WDFY2: variants seen among roughly 807,000 people sequenced by gnomAD.
WDFY2 encodes the protein WD repeat and FYVE domain containing 2, also known as WD repeat and FYVE domain-containing protein 2.
In WDFY2, 36 loss-of-function variants were observed where a neutral mutation model predicts 56.4. That is an observed-to-expected ratio of 0.64 (90% CI 0.49 to 0.84). WDFY2 has a LOEUF of 0.84. Among genes scored for constraint, WDFY2 ranks in the 40% least tolerant of loss-of-function variants. WDFY2 has a pLI of 0.00. For missense variants in WDFY2, 444 were observed against 512.2 expected (o/e 0.87, Z 1.29); for synonymous variants, 176 against 183.7 (o/e 0.96, Z 0.34).
At chr13:51,751,670 G>A (rs1953240991) in intron 8 of WDFY2, among the ~76,000 whole-genome samples, 2 of 152,008 alleles carry the variant, frequency 1.3e-5, no homozygotes, top group African/African-American at 4.8e-5. Flanking sequence ...CACAGCAAAA[G>A]TACAGGTGAG....
chr13:51,647,526 A>G (rs1017968260), intron 1 of WDFY2, among the ~76,000 whole-genome samples: 1 of 152,188 alleles, frequency 6.6e-6, no homozygotes, highest in Non-Finnish European at 1.5e-5. Context: ...AGGCCAAGGC[A>G]GGAGGATCAC....
chr13:51,751,222 G>A (rs1408794540), intron 7 of WDFY2, 88 bp from the exon 8 acceptor site: 19 of 1,252,542 alleles, frequency 1.5e-5, no homozygotes, highest in African/African-American at 3.0e-5. Flanking sequence ...GAGTGAGTGA[G>A]CACATTGGCT....
At chr13:51,611,083 AAT>A (rs1459472793) in intron 1 of WDFY2, among the ~76,000 whole-genome samples, 1 of 152,200 alleles carries the variant, frequency 6.6e-6, no homozygotes, top group Non-Finnish European at 1.5e-5. Context: ...AGTAATTAAG[AAT>A]GCTTGTCTCC....
intron 3 of WDFY2, among the ~76,000 whole-genome samples, chr13:51,698,572 A>G (rs751083502): frequency 3.3e-5 from 5 of 152,240 alleles, no homozygotes; most frequent in East Asian, 3.8e-4. Flanking sequence ...AAATGCTGCA[A>G]TAGCATACTA....
At chr13:51,642,248 G>A (rs1223308837) in intron 1 of WDFY2, among the ~76,000 whole-genome samples, 1 of 151,784 alleles carries the variant, frequency 6.6e-6, no homozygotes, top group African/African-American at 2.4e-5. Context: ...TTCTTCACTT[G>A]TAGCTAATTT....
At chr13:51,589,298 A>G (rs1954001059) in intron 1 of WDFY2, 1 of 152,098 alleles carries the variant, frequency 6.6e-6, no homozygotes, top group South Asian at 2.1e-4. Context: ...GTAATCAACA[A>G]TACAATATGG....
intron 5 of WDFY2, among the ~76,000 whole-genome samples, chr13:51,726,546 T>C (rs921223066): frequency 1.3e-5 from 2 of 152,194 alleles, no homozygotes; most frequent in African/African-American, 4.8e-5. Flanking sequence ...CGTAGGCAGA[T>C]CTACCTGGGA....
At chr13:51,688,449 T>C (rs1424588535) in intron 3 of WDFY2, among the ~76,000 whole-genome samples, 1 of 152,140 alleles carries the variant, frequency 6.6e-6, no homozygotes, top group Admixed American at 6.6e-5. Flanking sequence ...AGTCAAAAGA[T>C]CAGTGGATAA....
intron 5 of WDFY2, among the ~76,000 whole-genome samples, chr13:51,723,375 G>C (rs1372289711): frequency 6.6e-6 from 1 of 151,394 alleles, no homozygotes; most frequent in Non-Finnish European, 1.5e-5. Context: ...CAGTGGATTT[G>C]TTTGAAATTC....
Position 51,762,930 on chromosome 13 carries a change from C to T in WDFY2, c.*3161C>T, listed in dbSNP as rs1320891508. On this transcript the variant is annotated 3_prime_UTR_variant, in exon 12 of 12. Coordinates refer to ENST00000298125, the MANE Select transcript of WDFY2 (RefSeq NM_052950.4). ...ACTTGACATTACTGCCTGAGTGTATCTTCACAATAGCAAAATGGTTTGAGA... is the reference window on the plus strand; with the variant it reads ...ACTTGACATTACTGCCTGAGTGTATTTTCACAATAGCAAAATGGTTTGAGA... The T allele has an allele frequency of 6.6e-6, 1 of 152,186 alleles. No homozygotes were observed. The highest frequency in any genetic ancestry group is 1.5e-5 in the Non-Finnish European group (1 of 68,022). The allele number at this position is 152,186 out of a possible 1,614,324, so 9.4% of individuals were successfully genotyped here. A position where few individuals can be genotyped will look rare whatever the true frequency, so the allele number is the denominator to read the frequency against.
At chr13:51,740,097 A>G (rs917490118) in intron 7 of WDFY2, among the ~76,000 whole-genome samples, 1 of 151,898 alleles carries the variant, frequency 6.6e-6, no homozygotes, top group Non-Finnish European at 1.5e-5. Context: ...CTGCTTGGAA[A>G]CCCTAGTTTC....
chr13:51,739,134 C>T lies in WDFY2; in HGVS notation c.684C>T (p.Ile228=), dbSNP rs749213617. ...SSDHSVIMWD[I]GGRKGTAIEL... is the part of the protein sequence containing the mutation. ...ATCACTCTGTCATCATGTGGGACAT[C>T]GGTGGGAGAAAAGGAACAGCCATCG... Residue 228 remains isoleucine (I), a synonymous_variant, in exon 7 of 12, where the codon ATC becomes ATT. Coordinates refer to ENST00000298125, the MANE Select transcript of WDFY2 (RefSeq NM_052950.4). 3.8e-6 allele frequency: 6 copies of T among 1,597,578 alleles called. No individual in the cohort carries two copies. The highest frequency in any genetic ancestry group is 3.5e-5 in the Admixed American group (2 of 57,558).
intron 4 of WDFY2, among the ~76,000 whole-genome samples, chr13:51,712,232 G>T (rs867074012): frequency 3.9e-5 from 6 of 152,182 alleles, no homozygotes; most frequent in African/African-American, 1.2e-4. Flanking sequence ...TCACTCATAG[G>T]TGGGAATTGA....
intron 7 of WDFY2, among the ~76,000 whole-genome samples, chr13:51,744,778 T>TA (rs748746746): frequency 7.1e-4 from 108 of 152,346 alleles, no homozygotes; most frequent in Non-Finnish European, 1.2e-3. Context: ...CTTTCTAGTA[T>TA]AAACGCTACA....
At chr13:51,652,586 T>G (rs1955415604) in intron 1 of WDFY2, among the ~76,000 whole-genome samples, 2 of 152,204 alleles carry the variant, frequency 1.3e-5, no homozygotes, top group Admixed American at 6.5e-5. Flanking sequence ...AGGAGCTCTT[T>G]TAGGGCAGGC....
intron 1 of WDFY2, among the ~76,000 whole-genome samples, chr13:51,612,493 A>T (rs916675400): frequency 4.6e-5 from 7 of 151,998 alleles, no homozygotes; most frequent in South Asian, 2.1e-4. Flanking sequence ...TTACAATTAA[A>T]TTTTTTTTAC....
chr13:51,712,781 GA>G (rs1952252168), intron 4 of WDFY2, among the ~76,000 whole-genome samples: 1 of 151,400 alleles, frequency 6.6e-6, no homozygotes, highest in Admixed American at 6.6e-5. Flanking sequence ...TCAATATCAG[GA>G]ATGAGTGAAG....
At chr13:51,668,398 A>G (rs527294594) in intron 2 of WDFY2, among the ~76,000 whole-genome samples, 1 of 152,306 alleles carries the variant, frequency 6.6e-6, no homozygotes, top group East Asian at 1.9e-4. Flanking sequence ...GTTATTACTC[A>G]GCCTAGATGA....
intron 3 of WDFY2, among the ~76,000 whole-genome samples, chr13:51,689,847 A>G (rs1345070730): frequency 6.6e-6 from 1 of 152,218 alleles, no homozygotes; most frequent in Non-Finnish European, 1.5e-5. Context: ...CCTAACATCA[A>G]GTCAGTCACT....
Sources: allele counts gnomAD v4.1 joint callset (sites outside exome capture counted in the v4.1 genomes callset), GRCh38; gene constraint gnomAD v4.1.1; transcripts MANE v1.5; gene names NCBI Gene and HGNC (gene_info 2026-07-23, HGNC 2026-07-21).